RASA3: variants seen among roughly 807,000 people sequenced by gnomAD.
RASA3 encodes ras GTPase-activating protein 3.
In RASA3, 73 loss-of-function variants were observed where a neutral mutation model predicts 110.0. That is an observed-to-expected ratio of 0.66 (90% CI 0.55 to 0.81). The LOEUF (loss-of-function observed/expected upper bound fraction) is 0.81. Among genes scored for constraint, RASA3 ranks in the 30% least tolerant of loss-of-function variants. The pLI, the probability that RASA3 is intolerant of heterozygous loss-of-function variation, is 0.00. For missense variants in RASA3, 976 were observed against 1,113.2 expected, an observed-to-expected ratio of 0.88 and a Z score of 1.75; for synonymous variants, 500 against 451.4, an observed-to-expected ratio of 1.11 and a Z score of -1.37.
In RASA3 at chr13:114,014,890, C is replaced by A. The variant is rs547398278; in HGVS notation, c.1405+319G>T. Reference sequence around the variant, plus strand: ...GCCTGGCCACCCTTCCCGGCCCCCCCAGAGACCACTGTGGTCGTGAACTCC... The same window carrying A: ...GCCTGGCCACCCTTCCCGGCCCCCCAAGAGACCACTGTGGTCGTGAACTCC... On this transcript the variant is annotated intron_variant, in intron 14 of 23. Transcript: ENST00000334062. The surrounding 1 kb of genome is among the most constrained non-coding windows in gnomAD (Gnocchi z 4.5). 6.6e-6 allele frequency among the ~76,000 whole-genome samples: 1 copy of A among 152,218 alleles called. No individual in the cohort carries two copies. The highest frequency in any genetic ancestry group is 1.5e-5 in the Non-Finnish European group (1 of 68,002).
intron 18 of RASA3, among the ~76,000 whole-genome samples, chr13:114,005,848 T>C (rs2053507324): frequency 1.1e-5 from 1 of 92,512 alleles, no homozygotes; most frequent in African/African-American, 5.2e-5. Context: ...ACCTTACCCT[T>C]CTCCCCTCCT....
chr13:114,126,019 C>T (rs10220001), intron 1 of RASA3, among the ~76,000 whole-genome samples: 4 of 48,122 alleles, frequency 8.3e-5, no homozygotes, highest in African/African-American at 9.4e-5. Context: ...GCACCTGCTG[C>T]CCAACCTCGC....
chr13:114,099,117 G>A (rs1371649232), intron 1 of RASA3, among the ~76,000 whole-genome samples: 2 of 36,792 alleles, frequency 5.4e-5, no homozygotes, highest in Non-Finnish European at 5.5e-5. Flanking sequence ...GGCCACCCGA[G>A]CCCCCCAGAC....
Position 114,014,031 on chromosome 13 carries a change from T to C in RASA3, c.1406-783A>G, listed in dbSNP as rs944486150. ...CTCTGTCTCTCTCCATCTCTCTCTC[T>C]CCGTCTCTATCTCTCTCTCCGTCTG... is the stretch of plus-strand genomic sequence containing the variant. On this transcript the variant is annotated intron_variant, in intron 14 of 23. Transcript: ENST00000334062. This position sits in a 1 kb window ranked among gnomAD's most constrained non-coding sequence, Gnocchi z 4.5. Among the ~76,000 whole-genome samples the C allele has an allele frequency of 8.2e-6, 1 of 121,594 alleles. No individual in the cohort carries two copies. The highest frequency in any genetic ancestry group is 2.0e-5 in the Non-Finnish European group (1 of 51,058). 79.8% of individuals were successfully genotyped at this position (121,594 alleles called of 152,430 possible). A position where few individuals can be genotyped will look rare whatever the true frequency, so the allele number is the denominator to read the frequency against.
chr13:114,016,841 G>C (rs2053803849), intron 12 of RASA3, among the ~76,000 whole-genome samples: 1 of 152,232 alleles, frequency 6.6e-6, no homozygotes, highest in African/African-American at 2.4e-5. Flanking sequence ...AGAGGGTCAG[G>C]TGAGGAGTGG....
chr13:114,113,281 T>C (rs2080241426), intron 1 of RASA3, among the ~76,000 whole-genome samples: 1 of 152,222 alleles, frequency 6.6e-6, no homozygotes. Context: ...CAGACGGCTC[T>C]TCCCGACAGG....
At chr13:114,101,713 G>A (rs930047809) in intron 1 of RASA3, among the ~76,000 whole-genome samples, 5 of 152,220 alleles carry the variant, frequency 3.3e-5, no homozygotes, top group African/African-American at 4.8e-5. Context: ...CAGGGAAGAC[G>A]GCAGTGTCTA....
intron 1 of RASA3, among the ~76,000 whole-genome samples, chr13:114,089,522 C>G (rs2079865252): frequency 6.6e-6 from 1 of 152,054 alleles, no homozygotes; most frequent in South Asian, 2.1e-4. Context: ...ACGCCTTTAG[C>G]CCCTGCTCCC....
At chr13:114,013,886 C>CTCTTTTTCTCTG (rs1684245825) in intron 14 of RASA3, among the ~76,000 whole-genome samples, 1 of 28,756 alleles carries the variant, frequency 3.5e-5, no homozygotes, top group Non-Finnish European at 5.4e-5. Context: ...CTATCTCTGT[C>CTCTTTTTCTCTG]TCTCTCTTTT....
At chr13:114,001,259 G>A (rs957020026) in intron 18 of RASA3, among the ~76,000 whole-genome samples, 3 of 152,250 alleles carry the variant, frequency 2.0e-5, no homozygotes, top group African/African-American at 7.2e-5. Flanking sequence ...CGGACCTGCG[G>A]CCGTGGGCTC....
chr13:114,130,134 C>T (rs144579197), intron 1 of RASA3, among the ~76,000 whole-genome samples: 1 of 152,232 alleles, frequency 6.6e-6, no homozygotes, highest in Admixed American at 6.5e-5. Flanking sequence ...TAACCCCAAA[C>T]CAGCGCACCC....
chr13:114,130,747 A>C (rs1049569434), intron 1 of RASA3, among the ~76,000 whole-genome samples: 3 of 148,786 alleles, frequency 2.0e-5, no homozygotes, highest in South Asian at 4.3e-4. Flanking sequence ...TGGGCCCCCC[A>C]CCCCCGAGCC....
rs780622465 is a variant in RASA3, at chr13:114,065,129, C to A, written c.173+8591G>T. ...CTCTGATGAGGGGAAACCATCTGAA[C>A]TGAATTCCTCCTCCTCCTGGAGCCT... is the stretch of plus-strand genomic sequence containing the variant. On this transcript the variant is annotated intron_variant, in intron 2 of 23. Coordinates refer to ENST00000334062, the MANE Select transcript of RASA3 (RefSeq NM_007368.4). This position sits in a 1 kb window ranked among gnomAD's most constrained non-coding sequence, Gnocchi z 4.1. Among the ~76,000 whole-genome samples, 1 of 152,236 alleles carries A rather than the reference C, an allele frequency of 6.6e-6. No homozygotes were observed. The highest frequency in any genetic ancestry group is 1.5e-5 in the Non-Finnish European group (1 of 68,042).
At position 113,981,660 on chromosome 13, in the gene RASA3, G is replaced by T. The variant is rs759191415; in HGVS notation, c.2429+15C>A. The T allele has an allele frequency of 6.2e-7, 1 of 1,604,588 alleles. No homozygotes were observed. The highest frequency in any genetic ancestry group is 2.2e-5 in the East Asian group (1 of 44,486). ...TACACTGGCCGTCCAGGGCAGGCAC[G>T]GGAGTGGCACTCACTGGCTTCCATA... On this transcript the variant is annotated intron_variant, in intron 23 of 23. Transcript: ENST00000334062.
intron 7 of RASA3, among the ~76,000 whole-genome samples, chr13:114,027,186 C>T (rs1213978141): frequency 6.6e-6 from 1 of 151,850 alleles, no homozygotes; most frequent in Non-Finnish European, 1.5e-5. Context: ...TGGCTGGGCT[C>T]GCTCCTCTCC....
At chr13:113,981,204 C>T (rs2052925267) in intron 23 of RASA3, among the ~76,000 whole-genome samples, 1 of 152,216 alleles carries the variant, frequency 6.6e-6, no homozygotes, top group African/African-American at 2.4e-5. Flanking sequence ...ACCTAGCCTG[C>T]AGCTGGTGAC....
chr13:114,082,489 G>A (rs1245772107), intron 1 of RASA3, among the ~76,000 whole-genome samples: 2 of 152,236 alleles, frequency 1.3e-5, no homozygotes, highest in East Asian at 1.9e-4. Flanking sequence ...ACCTCCCTGT[G>A]CTCCGAGGCT....
At chr13:114,062,973 G>C (rs1483173830) in intron 2 of RASA3, among the ~76,000 whole-genome samples, 1 of 152,234 alleles carries the variant, frequency 6.6e-6, no homozygotes, top group Non-Finnish European at 1.5e-5. Context: ...GCGACAGAAC[G>C]GGGACCCGTG....
At chr13:114,119,443 C>G (rs1224865996) in intron 1 of RASA3, among the ~76,000 whole-genome samples, 4 of 152,170 alleles carry the variant, frequency 2.6e-5, no homozygotes, top group East Asian at 1.9e-4. Context: ...AGGGGCCGAT[C>G]GCTCAGGATC....
Sources: gnomAD v4.1 joint callset for allele counts (sites outside exome capture counted in the v4.1 genomes callset) on GRCh38, gnomAD v4.1.1 for gene constraint, Gnocchi (gnomAD v3.1) non-coding constraint, MANE v1.5 for transcripts, NCBI Gene and HGNC (gene_info 2026-07-23, HGNC 2026-07-21) for gene names.